Variants in KIF1B observed in about 807,000 individuals in gnomAD.
The protein encoded by KIF1B is kinesin-like protein KIF1B.
KIF1B carries 76 observed loss-of-function variants against 241.9 expected under a neutral mutation model. That is an observed-to-expected ratio of 0.31 (90% CI 0.26 to 0.38). The LOEUF (loss-of-function observed/expected upper bound fraction) is 0.38, where lower values mean the gene tolerates loss of function less well. KIF1B is among the 10% of genes least tolerant of loss of function. The pLI is 1.00. For missense variants in KIF1B, 1,622 were observed against 2,271.4 expected (o/e 0.71, Z 5.81); for synonymous variants, 750 against 796.7 (o/e 0.94, Z 0.99).
At chr1:10,265,238 TTATTTATTTA>T (rs1233795657) in intron 5 of KIF1B, among the ~76,000 whole-genome samples, 124 of 117,478 alleles carry the variant, frequency 1.1e-3, no homozygotes, top group African/African-American at 3.1e-3. Context: ...ATTTATTTAT[TTATTTATTTA>T]TTTTTAGAGA....
Position 10,303,639 on chromosome 1 carries a change from C to A in KIF1B, c.2115+6393C>A. ...GGAAAGGCAGCACTGATGTAGATGA[C>A]CTCAAGGTTCATATAGACAAGCTGG... On this transcript the variant is annotated intron_variant, in intron 22 of 48. Coordinates refer to ENST00000676179, the MANE Select transcript of KIF1B (RefSeq NM_001365951.3). The surrounding 1 kb of genome is among the most constrained non-coding windows in gnomAD (Gnocchi z 5.2). The A allele has an allele frequency of 1.2e-6, 2 of 1,614,042 alleles. No individual in the cohort carries two copies. Among genetic ancestry groups the A allele is most frequent in the Non-Finnish European group, 1.7e-6 (2 of 1,180,022 alleles).
At chr1:10,286,392 T>C (rs920214059) in intron 15 of KIF1B, among the ~76,000 whole-genome samples, 2 of 152,230 alleles carry the variant, frequency 1.3e-5, no homozygotes, top group Admixed American at 6.5e-5. Context: ...CTCTCGTGTT[T>C]ATTAGTCTGG....
At chr1:10,342,024 C>G (rs1557725414) in intron 32 of KIF1B, 26 bp from the exon 33 acceptor site, 3 of 1,399,666 alleles carry the variant, frequency 2.1e-6, no homozygotes, top group Admixed American at 1.7e-5. Flanking sequence ...TTCTTGTAAT[C>G]TTTTCCTAAT....
chr1:10,279,412 A>C (rs563678240), intron 14 of KIF1B, among the ~76,000 whole-genome samples: 27 of 152,330 alleles, frequency 1.8e-4, no homozygotes, highest in African/African-American at 6.5e-4. Flanking sequence ...GATTCAATTA[A>C]ATCCAAAAAT....
At chr1:10,287,020 T>G (rs1012348943) in intron 15 of KIF1B, among the ~76,000 whole-genome samples, 8 of 152,196 alleles carry the variant, frequency 5.3e-5, no homozygotes, top group African/African-American at 1.9e-4. Flanking sequence ...CTCCTGAGAC[T>G]GAATGCTGTT....
chr1:10,295,852 C>A, intron 19 of KIF1B, 86 bp downstream of exon 19: 1 of 1,132,128 alleles, frequency 8.8e-7, no homozygotes, highest in Non-Finnish European at 1.3e-6. Context: ...CTCTGTCTAT[C>A]AGTAGTACTT....
chr1:10,278,132 A>G lies in KIF1B; in HGVS notation c.1180+4A>G. The G allele has an allele frequency of 6.2e-7, 1 of 1,613,712 alleles. No individual in the cohort carries two copies. Among genetic ancestry groups the G allele is most frequent in the Middle Eastern group, 1.7e-4 (1 of 6,060 alleles). On this transcript the variant is annotated splice_donor_region_variant and intron_variant, in intron 13 of 48. Transcript: ENST00000676179. The stretch of plus-strand genomic sequence containing the variant: ...GGCCTGGGAGATATTATTGATAGTA[A>G]GTGAATTAAGGATCGTTACAAAATC...
chr1:10,263,191 C>T (rs956083879), intron 5 of KIF1B, among the ~76,000 whole-genome samples: 4 of 151,080 alleles, frequency 2.6e-5, no homozygotes, highest in Non-Finnish European at 5.9e-5. Context: ...GGCTGAGGCA[C>T]GAGAATCGCT....
Position 10,376,819 on chromosome 1 carries a change from G to A in KIF1B, c.*232G>A, listed in dbSNP as rs1638902401. ...TTAGTAGCATGTGGCCTAACAAAAG[G>A]AAAAAATGTTTTTAAACACACACAC... On this transcript the variant is annotated 3_prime_UTR_variant, in exon 49 of 49. Coordinates refer to ENST00000676179, the MANE Select transcript of KIF1B (RefSeq NM_001365951.3). 2 of 496,124 alleles carry A rather than the reference G, an allele frequency of 4.0e-6. No homozygotes were observed. Among genetic ancestry groups the A allele is most frequent in the Non-Finnish European group, 7.4e-6 (2 of 270,140 alleles). 30.7% of individuals were successfully genotyped at this position (496,124 alleles called of 1,614,324 possible).
chr1:10,375,443 G>GA, intron 48 of KIF1B, 70 bp downstream of exon 48: 1 of 1,343,758 alleles, frequency 7.4e-7, no homozygotes, highest in Non-Finnish European at 1.1e-6. Flanking sequence ...GAAGTGCAGT[G>GA]GCTTGGTCTT....
intron 28 of KIF1B, among the ~76,000 whole-genome samples, chr1:10,336,110 G>A (rs1296725554): frequency 6.6e-6 from 1 of 152,208 alleles, no homozygotes. Flanking sequence ...GAGACAGTCA[G>A]GATTTCTAGG....
intron 15 of KIF1B, among the ~76,000 whole-genome samples, chr1:10,290,730 C>T (rs776060172): frequency 1.3e-5 from 2 of 150,340 alleles, no homozygotes; most frequent in Non-Finnish European, 1.5e-5. Context: ...ATTAACTGGG[C>T]GTGGTGGCAC....
chr1:10,374,220 G>A lies in KIF1B; in HGVS notation c.4947-96G>A. The A allele has an allele frequency of 7.8e-7, 1 of 1,287,218 alleles. No individual in the cohort carries two copies. The highest frequency in any genetic ancestry group is 1.1e-6 in the Non-Finnish European group (1 of 884,630). 79.7% of individuals were successfully genotyped at this position (1,287,218 alleles called of 1,614,324 possible). A position where few individuals can be genotyped will look rare whatever the true frequency, so the allele number is the denominator to read the frequency against. ...AGTTTGCAGCTGGGGTTTAGGGAGG[G>A]CCATTGTGTTCCTCCCAGTGAAACA... On this transcript the variant is annotated intron_variant, in intron 45 of 48. Transcript: ENST00000676179. The surrounding 1 kb of genome is among the most constrained non-coding windows in gnomAD (Gnocchi z 4.3).
chr1:10,307,355 G>T, intron 22 of KIF1B: 1 of 930,154 alleles, frequency 1.1e-6, no homozygotes, highest in Non-Finnish European at 1.3e-6. Context: ...TGTCGCCCAG[G>T]CTGCAGTGCA....
In KIF1B at chr1:10,273,007, C is replaced by T. The variant is rs1400359527; in HGVS notation, c.865-7C>T. 25 of 1,545,198 alleles carry T rather than the reference C, an allele frequency of 1.6e-5. No homozygotes were observed. Among genetic ancestry groups the T allele is most frequent in the Non-Finnish European group, 2.2e-5 (25 of 1,142,692 alleles). On this transcript the variant is annotated splice_region_variant and splice_polypyrimidine_tract_variant and intron_variant, in intron 9 of 48. Coordinates refer to ENST00000676179, the MANE Select transcript of KIF1B (RefSeq NM_001365951.3). ...TTATTTTCTCCTTTAAATGCTTTCA[C>T]CTGTAGGATAACTGCACTAGCAAGG...
At chr1:10,211,095 C>T (rs1022565125) in intron 1 of KIF1B, among the ~76,000 whole-genome samples, 2 of 152,070 alleles carry the variant, frequency 1.3e-5, no homozygotes, top group Admixed American at 6.6e-5. Flanking sequence ...TCGGCTGGGG[C>T]CCCCGCAGTG....
chr1:10,261,282 T>C (rs1648128839), intron 4 of KIF1B, among the ~76,000 whole-genome samples: 1 of 147,492 alleles, frequency 6.8e-6, no homozygotes, highest in Non-Finnish European at 1.5e-5. Context: ...TTTTTTTTTT[T>C]TTTTTTAGAC....
At chr1:10,277,137 G>A (rs1649158393) in intron 12 of KIF1B, among the ~76,000 whole-genome samples, 1 of 151,610 alleles carries the variant, frequency 6.6e-6, no homozygotes, top group South Asian at 2.1e-4. Flanking sequence ...ATAGGAATAT[G>A]TAGCAATATT....
chr1:10,375,365 C>T lies in KIF1B; in HGVS notation c.5400C>T (p.Gly1800=). 1 of 1,610,960 alleles carries T rather than the reference C, an allele frequency of 6.2e-7. No individual in the cohort carries two copies. The highest frequency in any genetic ancestry group is 1.3e-5 in the African/African-American group (1 of 74,996). Residue 1800 remains glycine, a synonymous_variant, in exon 48 of 49, where the codon GGC becomes GGT. Transcript: ENST00000676179. ...WLYAFNPLLA[G]TIRSKLSRRC... ...ATGCCTTCAACCCACTTCTAGCTGG[C>T]ACAATACGGTAAGAAGTTTTGTTGT...
Sources: gnomAD v4.1 joint callset for allele counts (sites outside exome capture counted in the v4.1 genomes callset) on GRCh38, gnomAD v4.1.1 for gene constraint, Gnocchi (gnomAD v3.1) non-coding constraint, MANE v1.5 for transcripts, NCBI Gene and HGNC (gene_info 2026-07-23, HGNC 2026-07-21) for gene names.